The following TLR7 variants were observed in gnomAD, a reference collection of about 807,000 sequenced individuals.
The protein encoded by TLR7 is toll-like receptor 7.
In TLR7, 12 loss-of-function variants were observed where a neutral mutation model predicts 38.3. That is an observed-to-expected ratio of 0.31 (90% CI 0.20 to 0.51). The LOEUF (loss-of-function observed/expected upper bound fraction) is 0.51, where lower values mean the gene tolerates loss of function less well. Ranked by LOEUF, TLR7 falls within the 20% of genes least tolerant of loss-of-function variation. TLR7 has a pLI of 0.98. For missense variants in TLR7, 504 were observed against 743.4 expected, an observed-to-expected ratio of 0.68 and a Z score of 3.74; for synonymous variants, 285 against 293.8, an observed-to-expected ratio of 0.97 and a Z score of 0.31.
At chrX:12,867,232 AT>A (rs1405324498) in intron 1 of TLR7, 109 bp downstream of exon 1, 8 of 167,627 alleles carry the variant, frequency 4.8e-5, no homozygotes, top group East Asian at 2.5e-4. Context: ...ATGCACAAAA[AT>A]TTTTTTTAGA....
Position 12,889,974 on chromosome X carries a change from T to G in TLR7, c.*1316T>G, listed in dbSNP as rs1347060488. On this transcript the variant is annotated 3_prime_UTR_variant, in exon 3 of 3. Transcript: ENST00000380659. The stretch of plus-strand genomic sequence containing the variant: ...GAGAAGAAACCAAAGTTTATAGACC[T>G]TCACATTGAGAAAGCTTCAGTTTTG... 8.9e-6 allele frequency: 1 copy of G among 112,756 alleles called. No homozygotes were observed. The highest frequency in any genetic ancestry group is 1.9e-5 in the Non-Finnish European group (1 of 53,383). 9.3% of individuals were successfully genotyped at this position (112,756 alleles called of 1,213,427 possible). A position where few individuals can be genotyped will look rare whatever the true frequency, so the allele number is the denominator to read the frequency against.
rs179008 is a variant in TLR7 at position 12,885,540 on chromosome X, A to T, written c.32A>T (p.Gln11Leu). Residue 11 changes from glutamine (Q) to leucine (L), a missense_variant, in exon 3 of 3, where the codon CAA (glutamine) becomes CTA (leucine). By Grantham distance (113) the Gln-to-Leu change is moderately radical. Transcript: ENST00000380659. MVFPMWTLKR[Q>L]ILILFNIILI... ...TTTCCAATGTGGACACTGAAGAGAC[A>T]AATTCTTATCCTTTTTAACATAATC... 0.2 allele frequency: 236,583 copies of T among 1,202,693 alleles called. 17,131 individuals carry two copies. Among genetic ancestry groups the T allele is most frequent in the Non-Finnish European group, 0.21 (190,353 of 889,837 alleles).
intron 2 of TLR7, among the ~76,000 whole-genome samples, chrX:12,872,003 G>T (rs963743713): frequency 7.2e-5 from 8 of 111,523 alleles, no homozygotes; most frequent in Non-Finnish European, 1.5e-4. Context: ...AATACAGAAA[G>T]GTGAGGGTTT....
chrX:12,888,504 A>G lies in TLR7; in HGVS notation c.2996A>G (p.Lys999Arg), dbSNP rs752720603. 2.1e-5 allele frequency: 26 copies of G among 1,209,951 alleles called. No individual in the cohort carries two copies. Among genetic ancestry groups the G allele is most frequent in the East Asian group, 3.0e-5 (1 of 33,784 alleles). ...CTTGAGAAGCCCTTTCAGAAGTCCA[A>G]GTTCCTCCAGCTCCGGAAAAGGCTC... is the stretch of plus-strand genomic sequence containing the variant. ...IFLEKPFQKS[K>R]FLQLRKRLCG... is the part of the protein sequence containing the mutation. Residue 999 changes from lysine (K) to arginine (R), a missense_variant, in exon 3 of 3, where the codon AAG becomes AGG. Physicochemically the swap from Lys to Arg is conservative, Grantham distance 26. Transcript: ENST00000380659.
chrX:12,881,882 C>T (rs2042893904), intron 2 of TLR7, among the ~76,000 whole-genome samples: 1 of 111,925 alleles, frequency 8.9e-6, no homozygotes, highest in Admixed American at 9.5e-5. Flanking sequence ...GTGGTAAGTG[C>T]TACGTAAGTT....
chrX:12,869,543 C>A (rs2042845111), intron 2 of TLR7, among the ~76,000 whole-genome samples: 1 of 110,428 alleles, frequency 9.1e-6, no homozygotes, highest in African/African-American at 3.3e-5. Flanking sequence ...ACAGTGAGAA[C>A]ACATGGACAC....
chrX:12,867,381 G>A, intron 1 of TLR7, 100 bp from the exon 2 acceptor site: 1 of 375,780 alleles, frequency 2.7e-6, no homozygotes, highest in Non-Finnish European at 4.8e-6. Flanking sequence ...GTAAATAGAT[G>A]TTTCAAACGC....
chrX:12,886,879 C>A lies in TLR7; in HGVS notation c.1371C>A (p.Pro457=), dbSNP rs2042913774. The change falls in exon 3 of 3, where the codon CCC becomes CCA. Residue 457 remains proline, a synonymous_variant. Transcript: ENST00000380659. ...GAACTTCTGTAGAAAGTTATGAACC[C>A]CAGGTCCTGGAACAATTACATTATT... is the stretch of plus-strand genomic sequence containing the variant. ...NARTSVESYE[P]QVLEQLHYFR... is the part of the protein sequence containing the mutation. 8.3e-7 allele frequency: 1 copy of A among 1,206,716 alleles called. No homozygotes were observed. The highest frequency in any genetic ancestry group is 1.1e-6 in the Non-Finnish European group (1 of 893,448).
chrX:12,877,310 C>A (rs1253364463), intron 2 of TLR7: 1 of 105,433 alleles, frequency 9.5e-6, no homozygotes, highest in Non-Finnish European at 1.9e-5. Flanking sequence ...TGGGCTAAAT[C>A]TGTCCCTTCA....
chrX:12,874,046 G>A (rs1205389968), intron 2 of TLR7, among the ~76,000 whole-genome samples: 3 of 112,684 alleles, frequency 2.7e-5, no homozygotes, highest in East Asian at 2.8e-4. Context: ...AAGGCCGGGC[G>A]TAGTGGCTCT....
chrX:12,885,012 C>T (rs2042904996), intron 2 of TLR7, among the ~76,000 whole-genome samples: 2 of 112,641 alleles, frequency 1.8e-5, no homozygotes, highest in African/African-American at 6.4e-5. Flanking sequence ...TATTGCTGAG[C>T]GATGTCTTCA....
rs758288461 is a variant in TLR7, at chrX:12,888,486, A to T, written c.2978A>T (p.Lys993Met). The T allele has an allele frequency of 1.7e-6, 2 of 1,211,789 alleles. No homozygotes were observed. Among genetic ancestry groups the T allele is most frequent in the Admixed American group, 4.3e-5 (2 of 46,018 alleles). Reference sequence around the variant, plus strand: ...GTGATTATCTTGATATTTCTTGAGAAGCCCTTTCAGAAGTCCAAGTTCCTC... The same window carrying T: ...GTGATTATCTTGATATTTCTTGAGATGCCCTTTCAGAAGTCCAAGTTCCTC... ...VDVIILIFLE[K>M]PFQKSKFLQL... The change falls in exon 3 of 3, where the codon AAG becomes ATG. Residue 993 changes from lysine to methionine, a missense_variant. Physicochemically the swap from Lys to Met is moderately conservative, Grantham distance 95. Coordinates refer to ENST00000380659, the MANE Select transcript of TLR7 (RefSeq NM_016562.4).
chrX:12,888,556 A>C lies in TLR7; in HGVS notation c.3048A>C (p.Pro1016=), dbSNP rs150367536. 205 of 1,209,825 alleles carry C rather than the reference A, an allele frequency of 1.7e-4. 1 individual carries two copies. In the Admixed American group the frequency reaches 2.0e-3, roughly 12 times the overall value. Residue 1016 remains proline (P), a synonymous_variant, in exon 3 of 3, where the codon CCA becomes CCC. Transcript: ENST00000380659. ...RLCGSSVLEW[P]TNPQAHPYFW... The stretch of plus-strand genomic sequence containing the variant: ...GTGGGAGTTCTGTCCTTGAGTGGCC[A>C]ACAAACCCGCAAGCTCACCCATACT...
rs200131359 is a variant in TLR7, at chrX:12,887,358, A to C, written c.1850A>C (p.Glu617Ala). 1.6e-5 allele frequency: 19 copies of C among 1,209,902 alleles called. No homozygotes were observed. The South Asian group carries it at 2.8e-4, about 18-fold the overall frequency. ...DISSSTSRTM[E>A]SESLRTLEFR... is the part of the protein sequence containing the mutation. The stretch of plus-strand genomic sequence containing the variant: ...TCTTCCTCCACCAGCAGGACCATGG[A>C]GAGTGAGTCTCTTAGAACTCTGGAA... Residue 617 changes from glutamate to alanine, a missense_variant, in exon 3 of 3, where the codon GAG becomes GCG. Glu to Ala is a moderately radical substitution (Grantham distance 107). Transcript: ENST00000380659.
At chrX:12,876,624 CA>C (rs1328656819) in intron 2 of TLR7, among the ~76,000 whole-genome samples, 2 of 112,042 alleles carry the variant, frequency 1.8e-5, no homozygotes, top group South Asian at 7.4e-4. Context: ...TAATAAAAGG[CA>C]GCCAATATTT....
At position 12,888,208 on chromosome X, in the gene TLR7, A is replaced by C. The variant is rs781107625; in HGVS notation, c.2700A>C (p.Lys900Asn). Reference protein sequence around the residue: ...CYDAFIVYDTKDPAVTEWVLA... With the variant: ...CYDAFIVYDTNDPAVTEWVLA... ...ATGCTTTTATTGTGTATGACACTAA[A>C]GACCCAGCTGTGACCGAGTGGGTTT... Residue 900 changes from lysine (K) to asparagine (N), a missense_variant, in exon 3 of 3, where the codon AAA becomes AAC. Transcript: ENST00000380659. 3 of 1,210,120 alleles carry C rather than the reference A, an allele frequency of 2.5e-6. No individual in the cohort carries two copies.
chrX:12,886,740 T>C lies in TLR7; in HGVS notation c.1232T>C (p.Ile411Thr). ...GATCTTGGCACTAACTTTATAAAAA[T>C]TGCTAACCTCAGCATGTTTAAACAA... Reference protein sequence around the residue: ...VLDLGTNFIKIANLSMFKQFK... With the variant: ...VLDLGTNFIKTANLSMFKQFK... The change falls in exon 3 of 3, where the codon ATT becomes ACT. Residue 411 changes from isoleucine to threonine, a missense_variant. Ile to Thr is a moderately conservative substitution (Grantham distance 89). Coordinates refer to ENST00000380659, the MANE Select transcript of TLR7 (RefSeq NM_016562.4). 3.3e-6 allele frequency: 4 copies of C among 1,209,844 alleles called. No individual in the cohort carries two copies. Among genetic ancestry groups the C allele is most frequent in the African/African-American group, 1.7e-5 (1 of 57,706 alleles).
At chrX:12,874,570 T>C (rs1392931978) in intron 2 of TLR7, among the ~76,000 whole-genome samples, 2 of 111,021 alleles carry the variant, frequency 1.8e-5, no homozygotes, top group African/African-American at 3.3e-5. Flanking sequence ...ATTAGAGTCA[T>C]AGAATAAGCA....
intron 2 of TLR7, among the ~76,000 whole-genome samples, chrX:12,883,635 A>G (rs1258765536): frequency 9.0e-6 from 1 of 111,672 alleles, no homozygotes; most frequent in Non-Finnish European, 1.9e-5. Context: ...GTTCACAGCA[A>G]GAAACTGACT....
Sources: gnomAD v4.1 joint callset for allele counts (sites outside exome capture counted in the v4.1 genomes callset) on GRCh38, gnomAD v4.1.1 for gene constraint, MANE v1.5 for transcripts, NCBI Gene and HGNC (gene_info 2026-07-23, HGNC 2026-07-21) for gene names.